The following DCHS2 variants were observed in gnomAD, a reference collection of about 807,000 sequenced individuals.
DCHS2 encodes the protein dachsous cadherin-related 2.
DCHS2 carries 142 observed loss-of-function variants against 182.4 expected under a neutral mutation model. The observed-to-expected ratio is 0.78, with a 90% confidence interval of 0.68 to 0.89. The LOEUF is 0.89. DCHS2 is among the 40% of genes least tolerant of loss of function. The probability of loss-of-function intolerance (pLI) is 0.00; values close to 1 mark genes in which losing one functional copy is unlikely to be tolerated. For missense variants in DCHS2, 4,319 were observed against 4,198.6 expected, an observed-to-expected ratio of 1.03 and a Z score of -0.79; for synonymous variants, 1,740 against 1,663.3, an observed-to-expected ratio of 1.05 and a Z score of -1.12.
chr4:154,399,778 G>A (rs1284758386), intron 1 of DCHS2, among the ~76,000 whole-genome samples: 1 of 152,124 alleles, frequency 6.6e-6, no homozygotes, highest in Non-Finnish European at 1.5e-5. Context: ...AGCAGCTCCC[G>A]GAACATTCTG....
Position 154,304,875 on chromosome 4 carries a change from A to T in DCHS2, c.5399T>A (p.Leu1800Gln). Residue 1800 changes from leucine to glutamine, a missense_variant, in exon 12 of 20, where the codon CTA (leucine) becomes CAA (glutamine). By Grantham distance (113) the Leu-to-Gln change is moderately radical. Coordinates refer to ENST00000357232, the MANE Select transcript of DCHS2 (RefSeq NM_001358235.2). ...TGAAGGGAATCCCCCATCTCGTACT[A>T]GTACTGACACAGAACACAAAGACGG... is the stretch of plus-strand genomic sequence containing the variant. The part of the protein sequence containing the change: ...EIQEVFTLRV[L>Q]VRDGGFPSLS... The T allele has an allele frequency of 6.2e-7, 1 of 1,608,424 alleles. No individual in the cohort carries two copies. The highest frequency in any genetic ancestry group is 1.3e-5 in the African/African-American group (1 of 74,894).
intron 13 of DCHS2, among the ~76,000 whole-genome samples, chr4:154,289,129 T>C (rs1164503514): frequency 2.0e-5 from 3 of 151,312 alleles, no homozygotes; most frequent in Non-Finnish European, 4.4e-5. Flanking sequence ...AAGAAAACAA[T>C]ACAAAGATCA....
At chr4:154,412,318 G>T (rs1205089358) in intron 1 of DCHS2, among the ~76,000 whole-genome samples, 2 of 152,012 alleles carry the variant, frequency 1.3e-5, no homozygotes, top group East Asian at 3.9e-4. Flanking sequence ...ACCCAACAAC[G>T]TTTTACCCCC....
chr4:154,372,764 T>C (rs1027111722), intron 2 of DCHS2, among the ~76,000 whole-genome samples: 1 of 152,206 alleles, frequency 6.6e-6, no homozygotes, highest in Non-Finnish European at 1.5e-5. Flanking sequence ...TCATGACTTA[T>C]GAGATAAATA....
At chr4:154,274,612 C>T (rs905330767) in intron 13 of DCHS2, among the ~76,000 whole-genome samples, 6 of 152,030 alleles carry the variant, frequency 3.9e-5, no homozygotes, top group African/African-American at 1.4e-4. Flanking sequence ...GTATTTTGCT[C>T]AGTGTAATTT....
intron 2 of DCHS2, among the ~76,000 whole-genome samples, chr4:154,376,441 A>G (rs1379245022): frequency 2.9e-5 from 3 of 102,014 alleles, no homozygotes. Flanking sequence ...TAATTAAGAC[A>G]GCAAGTTACT....
At chr4:154,361,262 C>G (rs372685330) in intron 3 of DCHS2, among the ~76,000 whole-genome samples, 42 of 152,186 alleles carry the variant, frequency 2.8e-4, no homozygotes, top group African/African-American at 9.9e-4. Context: ...CCTCAAACCT[C>G]AAACCTTGGC....
chr4:154,425,790 C>T (rs1733300359), intron 1 of DCHS2, among the ~76,000 whole-genome samples: 1 of 152,174 alleles, frequency 6.6e-6, no homozygotes, highest in East Asian at 1.9e-4. Context: ...GTGTGCACAC[C>T]ACAGACCCCT....
intron 1 of DCHS2, among the ~76,000 whole-genome samples, chr4:154,466,073 T>G (rs1475065078): frequency 6.6e-6 from 1 of 152,154 alleles, no homozygotes; most frequent in African/African-American, 2.4e-5. Flanking sequence ...TTAAATTAAT[T>G]AAGTTTCAAA....
At chr4:154,410,483 A>AAG (rs1732579923) in intron 1 of DCHS2, among the ~76,000 whole-genome samples, 2 of 148,970 alleles carry the variant, frequency 1.3e-5, no homozygotes, top group Non-Finnish European at 3.0e-5. Context: ...AAAAAAAAAA[A>AAG]AAAGAAAATA....
chr4:154,400,025 C>A (rs891126014), intron 1 of DCHS2, among the ~76,000 whole-genome samples: 1 of 152,086 alleles, frequency 6.6e-6, no homozygotes, highest in Non-Finnish European at 1.5e-5. Context: ...CTTTCACGGC[C>A]GGGCGCGGTG....
chr4:154,437,765 A>G (rs1733841241), intron 1 of DCHS2, among the ~76,000 whole-genome samples: 1 of 152,230 alleles, frequency 6.6e-6, no homozygotes, highest in Admixed American at 6.5e-5. Context: ...ATTATATATA[A>G]GGAAAACTGA....
At chr4:154,271,419 T>C (rs758477670) in intron 13 of DCHS2, among the ~76,000 whole-genome samples, 6 of 152,322 alleles carry the variant, frequency 3.9e-5, no homozygotes, top group Non-Finnish European at 8.8e-5. Context: ...TCAATAAAAC[T>C]TTATTTACCA....
chr4:154,323,056 G>C (rs140142247), intron 7 of DCHS2: 16 of 735,908 alleles, frequency 2.2e-5, no homozygotes, highest in Non-Finnish European at 2.5e-5. Context: ...TTAATCTATG[G>C]ATTCCTGCCA....
intron 1 of DCHS2, among the ~76,000 whole-genome samples, chr4:154,480,752 ATCAAT>A: frequency 6.6e-6 from 1 of 152,304 alleles, no homozygotes; most frequent in Non-Finnish European, 1.5e-5. Flanking sequence ...CATAATACAA[ATCAAT>A]TCAACTGAAA....
intron 1 of DCHS2, among the ~76,000 whole-genome samples, chr4:154,459,902 T>TAA (rs994205076): frequency 4.6e-5 from 7 of 152,222 alleles, no homozygotes; most frequent in African/African-American, 1.4e-4. Context: ...AGTACTAATC[T>TAA]AATACTTAGG....
chr4:154,252,452 A>C (rs531673436), intron 16 of DCHS2, among the ~76,000 whole-genome samples: 2 of 152,074 alleles, frequency 1.3e-5, no homozygotes, highest in Admixed American at 1.3e-4. Flanking sequence ...ATATTTTGTA[A>C]TCTTTAACCA....
At chr4:154,478,735 T>A (rs974659594) in intron 1 of DCHS2, among the ~76,000 whole-genome samples, 1 of 152,190 alleles carries the variant, frequency 6.6e-6, no homozygotes, top group Non-Finnish European at 1.5e-5. Context: ...GCATGGGATA[T>A]GGACTGAAAA....
At position 154,236,444 on chromosome 4, in the gene DCHS2, G is replaced by A. The variant is rs1731509673; in HGVS notation, c.8208C>T (p.Phe2736=). The change falls in exon 20 of 20, where the codon TTC becomes TTT. Residue 2736 remains phenylalanine, a synonymous_variant. Coordinates refer to ENST00000357232, the MANE Select transcript of DCHS2 (RefSeq NM_001358235.2). ...KPLDYEKMTK[F]TLTVQASDAE... is the part of the protein sequence containing the mutation. The stretch of plus-strand genomic sequence containing the variant: ...CATCTGAAGCTTGGACAGTTAAGGT[G>A]AATTTTGTCATTTTTTCATAATCCA... The A allele has an allele frequency of 6.2e-7, 1 of 1,613,914 alleles. No homozygotes were observed. The highest frequency in any genetic ancestry group is 8.5e-7 in the Non-Finnish European group (1 of 1,179,972).
Sources: allele counts gnomAD v4.1 joint callset (sites outside exome capture counted in the v4.1 genomes callset), GRCh38; gene constraint gnomAD v4.1.1; transcripts MANE v1.5; gene names NCBI Gene and HGNC (gene_info 2026-07-23, HGNC 2026-07-21).